The following CNGA3 variants were observed in gnomAD, a reference collection of about 807,000 sequenced individuals.
CNGA3 encodes the protein cyclic nucleotide gated channel subunit alpha 3.
Under a neutral mutation model 46.6 loss-of-function variants are expected in CNGA3, and 42 were observed. The ratio of observed to expected loss-of-function variants is 0.90; its 90% CI spans 0.70 to 1.17. The LOEUF (loss-of-function observed/expected upper bound fraction) is 1.17, where lower values mean the gene tolerates loss of function less well. CNGA3 is among the 50% of genes most tolerant of loss of function. CNGA3 has a pLI of 0.00. For missense variants in CNGA3, 893 were observed against 890.7 expected (o/e 1.00, Z -0.03); for synonymous variants, 394 against 369.4 (o/e 1.07, Z -0.76).
intron 1 of CNGA3, among the ~76,000 whole-genome samples, chr2:98,357,405 C>T (rs1691907647): frequency 6.6e-6 from 1 of 152,182 alleles, no homozygotes; most frequent in African/African-American, 2.4e-5. Flanking sequence ...GGCTTCTCAC[C>T]TGGGAAGCCT....
At chr2:98,373,761 G>T (rs1028132473) in intron 2 of CNGA3, among the ~76,000 whole-genome samples, 1 of 152,206 alleles carries the variant, frequency 6.6e-6, no homozygotes, top group African/African-American at 2.4e-5. Flanking sequence ...ATTCTCTGCT[G>T]CAGAGAATTG....
At chr2:98,388,286 C>G (rs112528941) in intron 5 of CNGA3, among the ~76,000 whole-genome samples, 1 of 152,038 alleles carries the variant, frequency 6.6e-6, no homozygotes, top group Non-Finnish European at 1.5e-5. Flanking sequence ...CAGAAAAGAA[C>G]GAAGAGAAAA....
At chr2:98,383,991 A>G (rs1399080206) in intron 5 of CNGA3, among the ~76,000 whole-genome samples, 1 of 152,094 alleles carries the variant, frequency 6.6e-6, no homozygotes, top group Non-Finnish European at 1.5e-5. Context: ...GGTTCACGCC[A>G]TTCTCCTGCT....
At chr2:98,386,888 A>C (rs548369457) in intron 5 of CNGA3, among the ~76,000 whole-genome samples, 1 of 152,260 alleles carries the variant, frequency 6.6e-6, no homozygotes, top group East Asian at 1.9e-4. Context: ...TCTGCGTAAG[A>C]TCCAAACGAG....
At chr2:98,363,675 T>C (rs1331477223) in intron 1 of CNGA3, among the ~76,000 whole-genome samples, 1 of 152,168 alleles carries the variant, frequency 6.6e-6, no homozygotes, top group African/African-American at 2.4e-5. Context: ...TATTATTTTG[T>C]TATTTCTTAT....
At chr2:98,347,291 TGGA>T (rs1288950343) in intron 1 of CNGA3, 2 of 152,130 alleles carry the variant, frequency 1.3e-5, no homozygotes, top group Admixed American at 6.5e-5. Context: ...TGCTCGGTGA[TGGA>T]GGAGAAGGGG....
At chr2:98,374,723 C>T (rs1692366633) in intron 2 of CNGA3, among the ~76,000 whole-genome samples, 1 of 152,138 alleles carries the variant, frequency 6.6e-6, no homozygotes. Flanking sequence ...ATGTAAACAC[C>T]CCCAGGCATT....
At chr2:98,363,376 G>C (rs1692076882) in intron 1 of CNGA3, among the ~76,000 whole-genome samples, 1 of 152,122 alleles carries the variant, frequency 6.6e-6, no homozygotes, top group African/African-American at 2.4e-5. Flanking sequence ...TGCCTTACTA[G>C]CTATATTCCT....
rs1369267677 is a variant in CNGA3, at chr2:98,397,010, G to A, written c.1840G>A (p.Glu614Lys). 9 of 1,613,892 alleles carry A rather than the reference G, an allele frequency of 5.6e-6. No individual in the cohort carries two copies. The highest frequency in any genetic ancestry group is 5.9e-6 in the Non-Finnish European group (7 of 1,179,958). ...QILMKDNLID[E>K]ELARAGADPK... ...CCTGATGAAAGACAACCTGATCGAT[G>A]AGGAGCTGGCCAGGGCGGGCGCGGA... Residue 614 changes from glutamate (E) to lysine (K), a missense_variant, in exon 8 of 8, where the codon GAG becomes AAG. Physicochemically the swap from Glu to Lys is moderately conservative, Grantham distance 56. Transcript: ENST00000272602.
At chr2:98,380,534 G>A (rs757327160) in intron 4 of CNGA3, among the ~76,000 whole-genome samples, 180 bp downstream of exon 4, 39 of 152,250 alleles carry the variant, frequency 2.6e-4, no homozygotes, top group Admixed American at 6.5e-4. Flanking sequence ...CAGCCTCTGC[G>A]GAGTCCAAGA....
intron 1 of CNGA3, chr2:98,356,123 G>C (rs1254917633): frequency 2.6e-5 from 4 of 152,332 alleles, no homozygotes; most frequent in Non-Finnish European, 5.9e-5. Flanking sequence ...GGGGGCATAA[G>C]GGAAAGGCAA....
At chr2:98,379,684 C>T (rs573098318) in intron 3 of CNGA3, among the ~76,000 whole-genome samples, 11 of 152,320 alleles carry the variant, frequency 7.2e-5, no homozygotes, top group African/African-American at 2.4e-4. Flanking sequence ...TGTGCCTGGA[C>T]GCCTGTTCCT....
At chr2:98,384,738 G>A (rs1692616320) in intron 5 of CNGA3, among the ~76,000 whole-genome samples, 1 of 152,214 alleles carries the variant, frequency 6.6e-6, no homozygotes, top group Non-Finnish European at 1.5e-5. Flanking sequence ...CATGGACAGA[G>A]GTCCTGGGGG....
intron 3 of CNGA3, among the ~76,000 whole-genome samples, chr2:98,378,828 T>C (rs1478299030): frequency 1.3e-5 from 2 of 151,830 alleles, no homozygotes; most frequent in Non-Finnish European, 2.9e-5. Flanking sequence ...CCTGGGGAGG[T>C]AGTCACCTTC....
intron 7 of CNGA3, 84 bp downstream of exon 7, chr2:98,392,054 C>A: frequency 2.4e-6 from 3 of 1,237,034 alleles, no homozygotes; most frequent in Non-Finnish European, 3.5e-6. Flanking sequence ...TGGGACATTA[C>A]CTACCCTTGA....
rs770974022 is a variant in CNGA3, at chr2:98,396,031, C to T, written c.861C>T (p.Phe287=). The T allele has an allele frequency of 1.9e-6, 3 of 1,614,092 alleles. No individual in the cohort carries two copies. The South Asian group carries it at 3.3e-5, about 18-fold the overall frequency. The part of the protein sequence containing the change: ...RLLKFSRLFE[F]FDRTETRTNY... ...TGAAGTTTTCCCGGCTCTTTGAATT[C>T]TTTGACCGCACAGAGACAAGGACCA... is the stretch of plus-strand genomic sequence containing the variant. The change falls in exon 8 of 8, where the codon TTC becomes TTT. Residue 287 remains phenylalanine, a synonymous_variant. Transcript: ENST00000272602.
intron 1 of CNGA3, among the ~76,000 whole-genome samples, chr2:98,358,784 C>T (rs1040538280): frequency 5.3e-5 from 8 of 152,144 alleles, no homozygotes; most frequent in African/African-American, 1.9e-4. Context: ...CTTAAACTTA[C>T]ATTTCCCTTT....
intron 1 of CNGA3, chr2:98,356,085 C>T (rs1691872896): frequency 1.3e-5 from 2 of 152,154 alleles, no homozygotes; most frequent in South Asian, 4.1e-4. Flanking sequence ...GAGAATTTCC[C>T]TTCTACCCTG....
chr2:98,383,258 G>C, intron 4 of CNGA3, 130 bp from the exon 5 acceptor site: 1 of 869,760 alleles, frequency 1.1e-6, no homozygotes. Flanking sequence ...TATTCTTCAA[G>C]CTGTGAGTGC....
Sources: allele counts gnomAD v4.1 joint callset (sites outside exome capture counted in the v4.1 genomes callset), GRCh38; gene constraint gnomAD v4.1.1; transcripts MANE v1.5; gene names NCBI Gene and HGNC (gene_info 2026-07-23, HGNC 2026-07-21).